UMODL1: variants seen among roughly 807,000 people sequenced by gnomAD.
The protein encoded by UMODL1 is uromodulin-like 1.
A neutral mutation model predicts 136.3 loss-of-function variants in UMODL1; 128 were observed. The ratio of observed to expected loss-of-function variants is 0.94; its 90% CI spans 0.81 to 1.09. The LOEUF (loss-of-function observed/expected upper bound fraction) is 1.09, where lower values mean the gene tolerates loss of function less well. Among genes scored for constraint, UMODL1 ranks in the 50% least tolerant of loss-of-function variants. The probability of loss-of-function intolerance (pLI) is 0.00; values close to 1 mark genes in which losing one functional copy is unlikely to be tolerated. For missense variants in UMODL1, 1,766 were observed against 1,725.6 expected (o/e 1.02, Z -0.41); for synonymous variants, 721 against 720.0 (o/e 1.00, Z -0.02).
intron 13 of UMODL1, 96 bp from the exon 14 acceptor site, chr21:42,115,777 C>A: frequency 9.7e-7 from 1 of 1,028,748 alleles, no homozygotes; most frequent in Non-Finnish European, 1.5e-6. Flanking sequence ...GTGTGATGCT[C>A]TTCCTGGACA....
At position 42,109,695 on chromosome 21, in the gene UMODL1, T is replaced by G. The variant is rs540886339; in HGVS notation, c.1653T>G (p.Cys551Trp). 2.0e-4 allele frequency: 327 copies of G among 1,601,840 alleles called. 4 individuals are homozygous for G. In the South Asian group the frequency reaches 3.4e-3, roughly 17 times the overall value. ...CCCCCTCCCGCGCAGGCCGGGCCTGTGAGGGTACGTGTCGACCCCCCTGCC... is the reference window on the plus strand; with the variant it reads ...CCCCCTCCCGCGCAGGCCGGGCCTGGGAGGGTACGTGTCGACCCCCCTGCC... ...DATPSRAGRA[C>W]EGDLVSPMGG... The change falls in exon 10 of 23, where the codon TGT becomes TGG. Residue 551 changes from cysteine to tryptophan, a missense_variant. Physicochemically the swap from Cys to Trp is radical, Grantham distance 215. Coordinates refer to ENST00000408910, the MANE Select transcript of UMODL1 (RefSeq NM_001004416.3).
chr21:42,077,955 C>T (rs1223690214), intron 2 of UMODL1, among the ~76,000 whole-genome samples: 3 of 152,154 alleles, frequency 2.0e-5, no homozygotes, highest in Non-Finnish European at 2.9e-5. Context: ...CTGAGTGGGC[C>T]CTCCCTCAGC....
chr21:42,135,354 G>T (rs1044911037), intron 21 of UMODL1, among the ~76,000 whole-genome samples: 13 of 152,228 alleles, frequency 8.5e-5, no homozygotes, highest in Admixed American at 7.8e-4. Context: ...GTCAGTCAGT[G>T]GGCAGCACTG....
Position 42,085,290 on chromosome 21 carries a change from G to A in UMODL1, c.482-1G>A. On this transcript the variant is annotated splice_acceptor_variant, in intron 3 of 22. Transcript: ENST00000408910. LOFTEE classifies it high-confidence loss of function. This position sits in a 1 kb window ranked among gnomAD's most constrained non-coding sequence, Gnocchi z 4.5. ...AATCATCAGTGTTTTCCCTTGTGTA[G>A]CTCCAGAGAGGGACCCTGTGGGCTC... is the stretch of plus-strand genomic sequence containing the variant. The A allele has an allele frequency of 6.2e-7, 1 of 1,613,792 alleles. No homozygotes were observed. Among genetic ancestry groups the A allele is most frequent in the Non-Finnish European group, 8.5e-7 (1 of 1,179,824 alleles).
At chr21:42,090,058 C>T (rs1267573122) in intron 5 of UMODL1, among the ~76,000 whole-genome samples, 1 of 152,214 alleles carries the variant, frequency 6.6e-6, no homozygotes, top group Non-Finnish European at 1.5e-5. Flanking sequence ...GCCCGGTGAG[C>T]CAGCCGCGAG....
chr21:42,069,449 A>G (rs1213474551), upstream of UMODL1, among the ~76,000 whole-genome samples: 2 of 152,188 alleles, frequency 1.3e-5, no homozygotes, highest in African/African-American at 2.4e-5. Flanking sequence ...AACTGGTAAA[A>G]TGTCTTGATT....
chr21:42,082,110 G>A (rs2066369216), intron 2 of UMODL1, among the ~76,000 whole-genome samples: 1 of 152,268 alleles, frequency 6.6e-6, no homozygotes, highest in Admixed American at 6.5e-5. Context: ...CCGGGCGCCA[G>A]GCAGACAGGG....
At chr21:42,139,455 G>T (rs936562385) in intron 22 of UMODL1, among the ~76,000 whole-genome samples, 1 of 152,028 alleles carries the variant, frequency 6.6e-6, no homozygotes, top group Admixed American at 6.6e-5. Flanking sequence ...TGAAGGATCC[G>T]CCCCATGATC....
In UMODL1 at chr21:42,119,259, C is replaced by T; in HGVS notation, c.2624C>T (p.Ala875Val). 1 of 1,614,246 alleles carries T rather than the reference C, an allele frequency of 6.2e-7. No homozygotes were observed. Among genetic ancestry groups the T allele is most frequent in the Non-Finnish European group, 8.5e-7 (1 of 1,180,028 alleles). ...GTGGATGTCCAGGAGGTGTCAGCTG[C>T]ATTTCTCACCGCCTTCCAGACCGTG... ...ADVDVQEVSAAFLTAFQTVPL... is the reference protein window; with the variant it reads ...ADVDVQEVSAVFLTAFQTVPL... The change falls in exon 15 of 23, where the codon GCA becomes GTA. Residue 875 changes from alanine to valine, a missense_variant. Transcript: ENST00000408910.
At chr21:42,103,757 A>T in intron 8 of UMODL1, 111 bp from the exon 9 acceptor site, 1 of 1,303,064 alleles carries the variant, frequency 7.7e-7, no homozygotes, top group Non-Finnish European at 1.1e-6. Flanking sequence ...CCTCCTCTTG[A>T]TTGTAGAGGA....
intron 22 of UMODL1, among the ~76,000 whole-genome samples, chr21:42,139,497 A>G (rs1377823243): frequency 1.3e-5 from 2 of 152,128 alleles, no homozygotes; most frequent in African/African-American, 4.8e-5. Context: ...CACCTTTAAT[A>G]TGGGGATCAC....
At chr21:42,101,938 G>C in intron 7 of UMODL1, 1 of 433,942 alleles carries the variant, frequency 2.3e-6, no homozygotes. Context: ...GGCTGTGTGT[G>C]ACGTTTGTAC....
chr21:42,099,029 G>T lies in UMODL1; in HGVS notation c.1035G>T (p.Arg345=), dbSNP rs2066593285. 1.2e-6 allele frequency: 2 copies of T among 1,614,190 alleles called. No individual in the cohort carries two copies. Among genetic ancestry groups the T allele is most frequent in the Non-Finnish European group, 1.7e-6 (2 of 1,180,046 alleles). The part of the protein sequence containing the change: ...NSTQNHTFHV[R]VYRGMELLRS... ...CACAGAACCACACTTTCCATGTCCGGGTTTACCGGGGTATGGAGTTGCTCA... is the reference window on the plus strand; with the variant it reads ...CACAGAACCACACTTTCCATGTCCGTGTTTACCGGGGTATGGAGTTGCTCA... Residue 345 remains arginine (R), a synonymous_variant, in exon 7 of 23, where the codon CGG becomes CGT. Transcript: ENST00000408910. The surrounding 1 kb of genome is among the most constrained non-coding windows in gnomAD (Gnocchi z 4.1).
rs768880257 is a variant in UMODL1 at position 42,127,794 on chromosome 21, G to A, written c.3653G>A (p.Arg1218His). ...ATCGTCTACCTGCACTGCAAACTCC[G>A]CGTCTGCATGGAATCCCCCGGAGCC... The part of the protein sequence containing the change: ...DSIVYLHCKL[R>H]VCMESPGATC... The change falls in exon 20 of 23, where the codon CGC becomes CAC. Residue 1218 changes from arginine to histidine, a missense_variant. Arg to His is a conservative substitution (Grantham distance 29). Transcript: ENST00000408910. The A allele has an allele frequency of 1.2e-5, 20 of 1,613,740 alleles. No homozygotes were observed. Among genetic ancestry groups the A allele is most frequent in the East Asian group, 4.5e-5 (2 of 44,908 alleles).
At chr21:42,063,695 C>T (rs532338968) in intron 1 of UMODL1, among the ~76,000 whole-genome samples, 4 of 152,220 alleles carry the variant, frequency 2.6e-5, no homozygotes, top group Non-Finnish European at 5.9e-5. Context: ...AAGGAGCTAT[C>T]GTGAACATTG....
chr21:42,087,904 T>C (rs2066444317), intron 4 of UMODL1, among the ~76,000 whole-genome samples: 2 of 152,236 alleles, frequency 1.3e-5, no homozygotes, highest in Non-Finnish European at 2.9e-5. Context: ...TCTTCCCCCA[T>C]TCATGTCTGT....
At chr21:42,080,364 G>A (rs1259284537) in intron 2 of UMODL1, among the ~76,000 whole-genome samples, 2 of 152,156 alleles carry the variant, frequency 1.3e-5, no homozygotes, top group Non-Finnish European at 2.9e-5. Context: ...TCTGTGGCGG[G>A]GCCTCCAGGT....
chr21:42,081,283 C>G (rs1344696778), intron 2 of UMODL1, among the ~76,000 whole-genome samples: 1 of 152,198 alleles, frequency 6.6e-6, no homozygotes, highest in Non-Finnish European at 1.5e-5. Context: ...GGAGCGACTC[C>G]TCCTCAGCCC....
At chr21:42,138,338 C>T (rs3819147) in intron 22 of UMODL1, among the ~76,000 whole-genome samples, 17,470 of 152,134 alleles carry the variant, frequency 0.11, 1,118 homozygotes, top group South Asian at 0.26. Context: ...GGGATTGTCA[C>T]GTGTGGTGTG....
Sources: gnomAD v4.1 joint callset for allele counts (sites outside exome capture counted in the v4.1 genomes callset) on GRCh38, gnomAD v4.1.1 for gene constraint, Gnocchi (gnomAD v3.1) non-coding constraint, MANE v1.5 for transcripts, NCBI Gene and HGNC (gene_info 2026-07-23, HGNC 2026-07-21) for gene names.